Variants in PCDH15 observed in about 807,000 individuals in gnomAD.
PCDH15 encodes the protein protocadherin related 15.
Under a neutral mutation model 178.5 loss-of-function variants are expected in PCDH15, and 129 were observed. The ratio of observed to expected loss-of-function variants is 0.72; its 90% CI spans 0.63 to 0.84. The LOEUF (loss-of-function observed/expected upper bound fraction) is 0.84. Ranked by LOEUF, PCDH15 falls within the 40% of genes least tolerant of loss-of-function variation. The pLI is 0.00. For synonymous variants in PCDH15, 800 were observed against 732.0 expected, an observed-to-expected ratio of 1.09 and a Z score of -1.50; for missense variants, 2,230 against 2,099.9, an observed-to-expected ratio of 1.06 and a Z score of -1.21.
chr10:55,205,280 G>C (rs772483941), intron 1 of PCDH15, among the ~76,000 whole-genome samples: 1 of 151,830 alleles, frequency 6.6e-6, no homozygotes, highest in East Asian at 1.9e-4. Flanking sequence ...TAAACCTAAA[G>C]TATTTAGAAT....
intron 1 of PCDH15, among the ~76,000 whole-genome samples, chr10:55,227,946 C>G (rs1381824720): frequency 2.6e-5 from 4 of 152,030 alleles, no homozygotes; most frequent in Non-Finnish European, 5.9e-5. Context: ...TCCCCAACTC[C>G]CCTACCCTTG....
upstream of PCDH15, among the ~76,000 whole-genome samples, chr10:55,322,493 T>C (rs1843925164): frequency 6.6e-6 from 1 of 151,890 alleles, no homozygotes; most frequent in African/African-American, 2.4e-5. Context: ...GATAGAAAAA[T>C]GTGGGAATGT....
At chr10:54,105,914 A>C (rs541297266) in intron 15 of PCDH15, among the ~76,000 whole-genome samples, 2 of 152,232 alleles carry the variant, frequency 1.3e-5, no homozygotes, top group African/African-American at 4.8e-5. Context: ...ATGAATGTAT[A>C]AAGTGTAGTA....
At chr10:53,828,469 G>C in intron 31 of PCDH15, 96 bp downstream of exon 31, 1 of 1,026,762 alleles carries the variant, frequency 9.7e-7, no homozygotes, top group Non-Finnish European at 1.5e-6. Context: ...AAGGGAATAA[G>C]ATGTGGTTCT....
At chr10:54,852,646 T>C (rs1953643994) in intron 3 of PCDH15, among the ~76,000 whole-genome samples, 2 of 146,562 alleles carry the variant, frequency 1.4e-5, no homozygotes, top group African/African-American at 5.0e-5. Context: ...AGGTCAGGAG[T>C]TCAAGACCAA....
intron 29 of PCDH15, among the ~76,000 whole-genome samples, chr10:53,834,922 G>C (rs2077218924): frequency 2.0e-5 from 3 of 152,148 alleles, no homozygotes; most frequent in Admixed American, 1.3e-4. Flanking sequence ...AGACAGTAGA[G>C]GGACAACTGT....
chr10:54,592,290 C>A (rs1429652480), intron 2 of PCDH15, among the ~76,000 whole-genome samples: 1 of 151,934 alleles, frequency 6.6e-6, no homozygotes, highest in Admixed American at 6.6e-5. Flanking sequence ...CTCCTCTCTG[C>A]TCCTGTCCCC....
At chr10:55,085,892 GAC>G (rs1411593304) in intron 2 of PCDH15, among the ~76,000 whole-genome samples, 1 of 151,388 alleles carries the variant, frequency 6.6e-6, no homozygotes, top group Non-Finnish European at 1.5e-5. Context: ...TAATAATAAA[GAC>G]ACAATAATAT....
chr10:54,252,472 T>G (rs1035481672), intron 8 of PCDH15, among the ~76,000 whole-genome samples: 1 of 152,176 alleles, frequency 6.6e-6, no homozygotes, highest in Non-Finnish European at 1.5e-5. Flanking sequence ...ATAATATTGA[T>G]TATCCTCACT....
intron 3 of PCDH15, among the ~76,000 whole-genome samples, chr10:54,468,496 C>T (rs1002618736): frequency 1.3e-5 from 2 of 151,810 alleles, no homozygotes; most frequent in African/African-American, 2.4e-5. Flanking sequence ...TTTTATTCCA[C>T]TGTGTTCTGA....
At chr10:54,504,362 C>T (rs1157925200) in intron 3 of PCDH15, among the ~76,000 whole-genome samples, 1 of 152,094 alleles carries the variant, frequency 6.6e-6, no homozygotes, top group Non-Finnish European at 1.5e-5. Flanking sequence ...CAACCCTGTT[C>T]AGGTATTGTT....
chr10:55,036,910 A>G (rs1840749529), intron 2 of PCDH15, among the ~76,000 whole-genome samples: 1 of 152,222 alleles, frequency 6.6e-6, no homozygotes, highest in African/African-American at 2.4e-5. Flanking sequence ...TAGCATACCT[A>G]GGAACTAGTT....
chr10:54,137,219 C>T (rs12253897), intron 14 of PCDH15, among the ~76,000 whole-genome samples: 7 of 152,082 alleles, frequency 4.6e-5, no homozygotes, highest in South Asian at 4.1e-4. Flanking sequence ...CATATTTTAT[C>T]GCTAAATGCA....
At chr10:54,689,007 A>G (rs1179588555) in intron 1 of PCDH15, among the ~76,000 whole-genome samples, 2 of 152,244 alleles carry the variant, frequency 1.3e-5, no homozygotes, top group Non-Finnish European at 2.9e-5. Flanking sequence ...AAAAATTCCA[A>G]TGCTCAAAAA....
chr10:55,259,818 C>T (rs1842101051), intron 1 of PCDH15, among the ~76,000 whole-genome samples: 1 of 140,154 alleles, frequency 7.1e-6, no homozygotes, highest in African/African-American at 2.7e-5. Flanking sequence ...AGGAGAATTG[C>T]TTGAACCTGG....
At chr10:54,258,931 T>C (rs2057113282) in intron 8 of PCDH15, among the ~76,000 whole-genome samples, 1 of 152,176 alleles carries the variant, frequency 6.6e-6, no homozygotes, top group Non-Finnish European at 1.5e-5. Context: ...CTGATAAAAA[T>C]GAATGCATGC....
intron 2 of PCDH15, among the ~76,000 whole-genome samples, chr10:54,593,538 G>GT (rs2133965953): frequency 6.6e-6 from 1 of 152,124 alleles, no homozygotes; most frequent in East Asian, 1.9e-4. Context: ...CTATATGTCT[G>GT]TTTTTATGCA....
intron 2 of PCDH15, among the ~76,000 whole-genome samples, chr10:55,375,195 T>C (rs1207670484): frequency 6.6e-6 from 1 of 152,160 alleles, no homozygotes; most frequent in African/African-American, 2.4e-5. Flanking sequence ...TGATTTTTTC[T>C]CTGCCAAAAA....
At chr10:55,355,122 G>A (rs1845042929) in intron 2 of PCDH15, among the ~76,000 whole-genome samples, 2 of 152,064 alleles carry the variant, frequency 1.3e-5, no homozygotes, top group East Asian at 1.9e-4. Context: ...TCCAATGCAT[G>A]GAGGTATCAC....
Sources: gnomAD v4.1 joint callset for allele counts (sites outside exome capture counted in the v4.1 genomes callset) on GRCh38, gnomAD v4.1.1 for gene constraint, MANE v1.5 for transcripts, NCBI Gene and HGNC (gene_info 2026-07-23, HGNC 2026-07-21) for gene names.